The following SPEF2 variants were observed in gnomAD, a reference collection of about 807,000 sequenced individuals.
The protein encoded by SPEF2 is sperm flagellar and cilia associated 2.
A neutral mutation model predicts 224.6 loss-of-function variants in SPEF2; 187 were observed. The observed-to-expected ratio is 0.83, with a 90% CI of 0.74 to 0.94. SPEF2 has a LOEUF of 0.94. SPEF2 is among the 40% of genes least tolerant of loss of function. SPEF2 has a pLI of 0.00. For synonymous variants in SPEF2, 715 were observed against 707.3 expected, an observed-to-expected ratio of 1.01 and a Z score of -0.17; for missense variants, 2,170 against 2,135.6, an observed-to-expected ratio of 1.02 and a Z score of -0.32.
chr5:35,800,493 A>G (rs549019242), intron 34 of SPEF2, among the ~76,000 whole-genome samples: 1 of 152,350 alleles, frequency 6.6e-6, no homozygotes, highest in African/African-American at 2.4e-5. Context: ...TTCTGTGTAG[A>G]AACTGTAGAT....
chr5:35,620,311 G>A lies in SPEF2; in HGVS notation c.58+2256G>A, dbSNP rs370991111. Among the ~76,000 whole-genome samples, 14 of 152,260 alleles carry A rather than the reference G, an allele frequency of 9.2e-5. No homozygotes were observed. The East Asian group carries it at 9.7e-4, about 11-fold the overall frequency. On this transcript the variant is annotated intron_variant, in intron 1 of 36. Coordinates refer to ENST00000356031, the MANE Select transcript of SPEF2 (RefSeq NM_024867.4). ...TGCAACCTCTGGGGAAAGTAATCAG[G>A]CAATTTCTGGGTAAGGGAAGTGTAA... is the stretch of plus-strand genomic sequence containing the variant.
chr5:35,670,861 G>A (rs956093320), intron 10 of SPEF2: 73 of 983,828 alleles, frequency 7.4e-5, no homozygotes, highest in Non-Finnish European at 8.6e-5. Context: ...TTAATGGAAA[G>A]GGAATGCTAC....
At chr5:35,790,442 T>C in intron 30 of SPEF2, 1 of 427,518 alleles carries the variant, frequency 2.3e-6, no homozygotes, top group Non-Finnish European at 4.1e-6. Flanking sequence ...TAAAATAAAA[T>C]AAATGGTTTC....
intron 20 of SPEF2, among the ~76,000 whole-genome samples, chr5:35,723,266 C>T (rs1744087890): frequency 6.6e-6 from 1 of 152,160 alleles, no homozygotes; most frequent in Admixed American, 6.5e-5. Context: ...ATTGAAATAA[C>T]TAGATCATCT....
intron 9 of SPEF2, among the ~76,000 whole-genome samples, chr5:35,669,478 CA>C (rs1292793639): frequency 6.6e-6 from 1 of 152,068 alleles, no homozygotes; most frequent in Admixed American, 6.6e-5. Context: ...AATTCTTATT[CA>C]AAACTTTCAT....
intron 10 of SPEF2, 72 bp from the exon 11 acceptor site, chr5:35,690,965 C>T (rs1754369053): frequency 1.6e-6 from 2 of 1,263,892 alleles, no homozygotes; most frequent in African/African-American, 1.5e-5. Context: ...TTACTTTTAA[C>T]ATTTAAATAT....
chr5:35,807,896 A>T (rs1758270379), intron 36 of SPEF2: 1 of 1,452,106 alleles, frequency 6.9e-7, no homozygotes, highest in Non-Finnish European at 9.0e-7. Flanking sequence ...GCAGAGGCTG[A>T]CACCAACCCC....
chr5:35,739,207 C>A (rs1185386032), intron 21 of SPEF2, among the ~76,000 whole-genome samples: 1 of 151,962 alleles, frequency 6.6e-6, no homozygotes, highest in Non-Finnish European at 1.5e-5. Context: ...GTAAACAAGA[C>A]AGTTTCTGTG....
intron 24 of SPEF2, among the ~76,000 whole-genome samples, chr5:35,758,828 A>C (rs1424361435): frequency 6.6e-6 from 1 of 152,046 alleles, no homozygotes; most frequent in Admixed American, 6.6e-5. Flanking sequence ...CAACATGGCA[A>C]AACCCTATCT....
At chr5:35,628,821 G>A (rs1002079612) in intron 2 of SPEF2, among the ~76,000 whole-genome samples, 9 of 152,012 alleles carry the variant, frequency 5.9e-5, no homozygotes, top group Middle Eastern at 3.4e-3. Flanking sequence ...TGAACTCCTG[G>A]GCTCAAGAGA....
chr5:35,636,302 T>C (rs35899873), intron 2 of SPEF2, among the ~76,000 whole-genome samples: 27 of 152,166 alleles, frequency 1.8e-4, no homozygotes, highest in Non-Finnish European at 3.4e-4. Flanking sequence ...TATGGGATGT[T>C]TTCAATGCTC....
At chr5:35,637,543 T>C (rs1443668512) in intron 2 of SPEF2, among the ~76,000 whole-genome samples, 2 of 152,198 alleles carry the variant, frequency 1.3e-5, no homozygotes, top group African/African-American at 4.8e-5. Context: ...ATAATCCAGA[T>C]TATCCTAGTT....
chr5:35,751,621 A>G (rs914583553), intron 23 of SPEF2, among the ~76,000 whole-genome samples: 1 of 152,176 alleles, frequency 6.6e-6, no homozygotes, highest in Non-Finnish European at 1.5e-5. Context: ...TACTTAGCAT[A>G]TGGCAATAAA....
chr5:35,729,954 A>G (rs1745357472), intron 21 of SPEF2, among the ~76,000 whole-genome samples: 1 of 152,096 alleles, frequency 6.6e-6, no homozygotes, highest in Non-Finnish European at 1.5e-5. Flanking sequence ...GTCCAATTAA[A>G]CCTTTTTCTT....
intron 10 of SPEF2, chr5:35,670,724 T>G: frequency 1.0e-6 from 1 of 985,810 alleles, no homozygotes; most frequent in Non-Finnish European, 1.2e-6. Context: ...ACTGTGATTT[T>G]TAGAAGAACT....
intron 21 of SPEF2, among the ~76,000 whole-genome samples, chr5:35,737,217 AT>A (rs1194766214): frequency 2.6e-5 from 4 of 151,698 alleles, no homozygotes; most frequent in East Asian, 1.9e-4. Flanking sequence ...CTCTCTTATG[AT>A]TTTTTTTATT....
intron 20 of SPEF2, among the ~76,000 whole-genome samples, chr5:35,726,192 A>G (rs1036948091): frequency 2.0e-5 from 3 of 152,212 alleles, no homozygotes; most frequent in East Asian, 3.8e-4. Flanking sequence ...GAATCAAAGC[A>G]CAATAGTCCA....
chr5:35,801,390 G>A (rs143977789), intron 34 of SPEF2, among the ~76,000 whole-genome samples: 273 of 152,250 alleles, frequency 1.8e-3, no homozygotes, highest in African/African-American at 6.2e-3. Flanking sequence ...GTGTGTGCCT[G>A]TAGTCCCAGC....
chr5:35,656,762 G>T (rs934877252), intron 7 of SPEF2, among the ~76,000 whole-genome samples: 6 of 152,194 alleles, frequency 3.9e-5, no homozygotes, highest in African/African-American at 1.4e-4. Flanking sequence ...TTACCAGTTT[G>T]GAAATCCAGC....
Sources: gnomAD v4.1 joint callset for allele counts (sites outside exome capture counted in the v4.1 genomes callset) on GRCh38, gnomAD v4.1.1 for gene constraint, MANE v1.5 for transcripts, NCBI Gene and HGNC (gene_info 2026-07-23, HGNC 2026-07-21) for gene names.